Variants in DLGAP1 observed in about 807,000 individuals in gnomAD.
DLGAP1 encodes the protein disks large-associated protein 1.
DLGAP1 carries 11 observed loss-of-function variants against 90.8 expected under a neutral mutation model. The observed-to-expected ratio is 0.12, with a 90% CI of 0.08 to 0.20. DLGAP1 has a LOEUF of 0.20. Among genes scored for constraint, DLGAP1 ranks in the 10% least tolerant of loss-of-function variants. The probability of loss-of-function intolerance (pLI) is 1.00; values close to 1 mark genes in which losing one functional copy is unlikely to be tolerated. For missense variants in DLGAP1, 1,050 were observed against 1,333.8 expected (o/e 0.79, Z 3.31); for synonymous variants, 558 against 540.7 (o/e 1.03, Z -0.44).
At chr18:3,725,025 A>C (rs1020296498) in intron 7 of DLGAP1, among the ~76,000 whole-genome samples, 11 of 152,304 alleles carry the variant, frequency 7.2e-5, no homozygotes, top group Non-Finnish European at 1.6e-4. Flanking sequence ...CATTAAAATC[A>C]CAAAAAGTCT....
chr18:3,576,385 A>C (rs1007001253), intron 8 of DLGAP1, among the ~76,000 whole-genome samples: 2 of 149,800 alleles, frequency 1.3e-5, no homozygotes, highest in Non-Finnish European at 3.0e-5. Context: ...CAGCCTCCCG[A>C]GTACTTGATA....
intron 7 of DLGAP1, among the ~76,000 whole-genome samples, chr18:3,606,014 A>G (rs1011306318): frequency 1.3e-5 from 2 of 152,224 alleles, no homozygotes; most frequent in Non-Finnish European, 1.5e-5. Context: ...TCGGGACATT[A>G]AGAAAAAAAA....
intron 1 of DLGAP1, among the ~76,000 whole-genome samples, chr18:4,191,078 A>G (rs1254058715): frequency 6.6e-6 from 1 of 152,028 alleles, no homozygotes; most frequent in Non-Finnish European, 1.5e-5. Flanking sequence ...AGTTGCAAAA[A>G]TTTTTTTCAT....
intron 4 of DLGAP1, among the ~76,000 whole-genome samples, chr18:3,867,026 G>A (rs2070434277): frequency 6.6e-6 from 1 of 152,062 alleles, no homozygotes; most frequent in African/African-American, 2.4e-5. Context: ...TAATTTTTTT[G>A]TATCTTTAGT....
At position 4,383,377 on chromosome 18, in the gene DLGAP1, T is replaced by C. The variant is rs907304274; in HGVS notation, c.-267+71629A>G. Among the ~76,000 whole-genome samples, 11 of 152,168 alleles carry C rather than the reference T, an allele frequency of 7.2e-5. No individual in the cohort carries two copies. Among genetic ancestry groups the C allele is most frequent in the Non-Finnish European group, 1.6e-4 (11 of 68,008 alleles). ...TTAATGGGATTTTCATGGTTTTCAT[T>C]AGCATTCATTTTCCTTTTCCTTACA... On this transcript the variant is annotated intron_variant, in intron 1 of 12. Transcript: ENST00000315677. This position sits in a 1 kb window ranked among gnomAD's most constrained non-coding sequence, Gnocchi z 4.0.
rs1026782927 is a variant in DLGAP1, at chr18:3,990,659, A to C, written c.-73+14457T>G. On this transcript the variant is annotated intron_variant, in intron 3 of 12. Coordinates refer to ENST00000315677, the MANE Select transcript of DLGAP1 (RefSeq NM_004746.4). ...AATAATAATAATAATAATAATAATAATAATAAAAAGAAATTACTACTTGTT... is the reference window on the plus strand; with the variant it reads ...AATAATAATAATAATAATAATAATACTAATAAAAAGAAATTACTACTTGTT... Among the ~76,000 whole-genome samples the C allele has an allele frequency of 8.1e-4, 121 of 148,558 alleles. 2 individuals carry two copies. Among genetic ancestry groups the C allele is most frequent in the African/African-American group, 2.6e-3 (108 of 40,904 alleles).
intron 1 of DLGAP1, among the ~76,000 whole-genome samples, chr18:4,445,567 G>C (rs1012297525): frequency 1.0e-4 from 15 of 150,488 alleles, no homozygotes; most frequent in African/African-American, 3.7e-4. Context: ...TTGTTCTTGC[G>C]ATAGTTTACT....
intron 1 of DLGAP1, among the ~76,000 whole-genome samples, chr18:4,329,600 C>T (rs2080903170): frequency 6.6e-6 from 1 of 151,918 alleles, no homozygotes; most frequent in African/African-American, 2.4e-5. Flanking sequence ...AATAATATCT[C>T]AACACGGTTG....
rs1462793124 is a variant in DLGAP1, at chr18:3,610,529, A to T, written c.1592-28281T>A. Among the ~76,000 whole-genome samples the T allele has an allele frequency of 2.6e-5, 4 of 152,132 alleles. 1 individual carries two copies. The highest frequency in any genetic ancestry group is 2.6e-4 in the Admixed American group (4 of 15,264). The stretch of plus-strand genomic sequence containing the variant: ...TGAGTCCCTACTCCTCAGTAACATC[A>T]AGATGGTATAAAAGCATCAACTCAG... On this transcript the variant is annotated intron_variant, in intron 7 of 12. Coordinates refer to ENST00000315677, the MANE Select transcript of DLGAP1 (RefSeq NM_004746.4).
chr18:4,031,080 G>C (rs995454070), intron 2 of DLGAP1, among the ~76,000 whole-genome samples: 1 of 151,978 alleles, frequency 6.6e-6, no homozygotes. Context: ...CTCAAACATG[G>C]CGCCATTCCT....
intron 2 of DLGAP1, among the ~76,000 whole-genome samples, chr18:4,092,049 G>C (rs1462655429): frequency 6.6e-6 from 1 of 152,108 alleles, no homozygotes; most frequent in South Asian, 2.1e-4. Flanking sequence ...GGTCAATCTA[G>C]TTAGAAGTTG....
chr18:3,679,825 CT>C (rs1329216671), intron 7 of DLGAP1: 2 of 137,508 alleles, frequency 1.5e-5, no homozygotes, highest in East Asian at 4.4e-4. Context: ...TTATGGTTTT[CT>C]TTTTCTTTTC....
intron 1 of DLGAP1, among the ~76,000 whole-genome samples, chr18:4,445,454 C>G (rs111924824): frequency 0.054 from 6,498 of 120,424 alleles, 195 homozygotes; most frequent in South Asian, 0.078. Context: ...CCCCTCCCCC[C>G]ACCCCACCAC....
At chr18:4,050,186 G>A (rs549857384) in intron 2 of DLGAP1, among the ~76,000 whole-genome samples, 1 of 152,172 alleles carries the variant, frequency 6.6e-6, no homozygotes, top group Admixed American at 6.5e-5. Context: ...GTCTTGCCCT[G>A]TTTCTCTAAG....
chr18:4,226,184 T>A (rs1428082715), intron 1 of DLGAP1, among the ~76,000 whole-genome samples: 5 of 152,042 alleles, frequency 3.3e-5, no homozygotes, highest in Non-Finnish European at 5.9e-5. Flanking sequence ...GATCTTAGAA[T>A]AGGATATCCA....
At chr18:3,877,693 T>C (rs2071038621) in intron 4 of DLGAP1, among the ~76,000 whole-genome samples, 1 of 152,246 alleles carries the variant, frequency 6.6e-6, no homozygotes, top group African/African-American at 2.4e-5. Context: ...GACTGGGTTC[T>C]AGTCCCACCT....
At chr18:3,927,512 T>C (rs1398831525) in intron 3 of DLGAP1, among the ~76,000 whole-genome samples, 3 of 152,240 alleles carry the variant, frequency 2.0e-5, no homozygotes, top group Non-Finnish European at 4.4e-5. Context: ...GGTGCCATCA[T>C]GACATATGAG....
intron 2 of DLGAP1, among the ~76,000 whole-genome samples, chr18:4,114,056 C>CTTTTTTTTTTTTTTTTTTTTTTT (rs58180172): frequency 9.4e-6 from 1 of 106,910 alleles, no homozygotes; most frequent in African/African-American, 3.4e-5. Context: ...ATGCCTCTGG[C>CTTTTTTTTTTTTTTTTTTTTTTT]TTTTTTTTTT....
intron 3 of DLGAP1, among the ~76,000 whole-genome samples, chr18:3,974,440 G>A (rs985742465): frequency 1.7e-4 from 26 of 152,160 alleles, no homozygotes; most frequent in African/African-American, 5.3e-4. Context: ...ATTTTCAAAA[G>A]AACTTTTAAC....
Sources: allele counts gnomAD v4.1 joint callset (sites outside exome capture counted in the v4.1 genomes callset), GRCh38; gene constraint gnomAD v4.1.1; non-coding constraint Gnocchi (gnomAD v3.1); transcripts MANE v1.5; gene names NCBI Gene and HGNC (gene_info 2026-07-23, HGNC 2026-07-21).